ZNF518A: variants seen among roughly 807,000 people sequenced by gnomAD.
ZNF518A encodes zinc finger protein 518A, also known as zinc finger protein 518.
A neutral mutation model predicts 102.7 loss-of-function variants in ZNF518A; 47 were observed. The ratio of observed to expected loss-of-function variants is 0.46; its 90% CI spans 0.36 to 0.58. The LOEUF (loss-of-function observed/expected upper bound fraction) is 0.58, where lower values mean the gene tolerates loss of function less well. ZNF518A is among the 20% of genes least tolerant of loss of function. The pLI is 0.00. For missense variants in ZNF518A, 1,793 were observed against 1,699.8 expected (o/e 1.05, Z -0.96); for synonymous variants, 652 against 594.6 (o/e 1.10, Z -1.40).
At chr10:96,185,121 G>A (rs1333290943) in intron 1 of ZNF518A, among the ~76,000 whole-genome samples, 6 of 152,246 alleles carry the variant, frequency 3.9e-5, no homozygotes, top group East Asian at 1.9e-4. Context: ...CATGCATCAC[G>A]TAGTTCTCGT....
intron 3 of ZNF518A, among the ~76,000 whole-genome samples, chr10:96,149,194 G>C (rs587737118): frequency 6.6e-6 from 1 of 152,190 alleles, no homozygotes; most frequent in Non-Finnish European, 1.5e-5. Context: ...GTTTATTTTC[G>C]GTTTTGGTAC....
intron 1 of ZNF518A, among the ~76,000 whole-genome samples, chr10:96,193,148 T>A (rs2083370746): frequency 6.6e-6 from 1 of 152,230 alleles, no homozygotes; most frequent in African/African-American, 2.4e-5. Flanking sequence ...GACAGGGACT[T>A]TCAAATACCT....
chr10:96,144,412 A>T (rs1554877699), intron 3 of ZNF518A, among the ~76,000 whole-genome samples: 1 of 152,112 alleles, frequency 6.6e-6, no homozygotes, highest in African/African-American at 2.4e-5. Flanking sequence ...TAATTTTCCT[A>T]TTCTGGGCAT....
Position 96,175,865 on chromosome 10 carries a change from G to GCCTCCCTCCCTC in ZNF518A, n.35+19822_35+19833dup, listed in dbSNP as rs1181264871. ...GCTGAATTACAAGTATTCCCTCCCTGCCTCCCTCCCTCCCTTCCTTCCTTC... is the reference window on the plus strand; with the variant it reads ...GCTGAATTACAAGTATTCCCTCCCTGCCTCCCTCCCTCCCTCCCTCCCTCCCTTCCTTCCTTC... On this transcript the variant is annotated intron_variant and non_coding_transcript_variant, in intron 1 of 2. Transcript: ENST00000442635. 7.9e-3 allele frequency among the ~76,000 whole-genome samples: 397 copies of GCCTCCCTCCCTC among 50,066 alleles called. 28 individuals are homozygous for GCCTCCCTCCCTC. Among genetic ancestry groups the GCCTCCCTCCCTC allele is most frequent in the East Asian group, 0.065 (72 of 1,116 alleles). The allele number at this position is 50,066 out of a possible 152,430, so 32.8% of individuals were successfully genotyped here. A position where few individuals can be genotyped will look rare whatever the true frequency, so the allele number is the denominator to read the frequency against.
intron 3 of ZNF518A, among the ~76,000 whole-genome samples, chr10:96,152,318 A>G (rs587769617): frequency 3.2e-4 from 48 of 152,334 alleles, no homozygotes; most frequent in African/African-American, 1.0e-3. Flanking sequence ...CTCAAAATAA[A>G]TAAGTAAAAC....
At chr10:96,191,452 A>G (rs1554893419) in intron 1 of ZNF518A, among the ~76,000 whole-genome samples, 1 of 151,938 alleles carries the variant, frequency 6.6e-6, no homozygotes, top group African/African-American at 2.4e-5. Context: ...TATATATCCC[A>G]TGGTTGAGAG....
At position 96,142,567 on chromosome 10, in the gene ZNF518A, T is replaced by C. The variant is rs1423498316; in HGVS notation, c.-302+8919T>C. On this transcript the variant is annotated intron_variant, in intron 3 of 5. Transcript: ENST00000316045. ...TGCTGAGTCATGAATATAGCTAAGC[T>C]AAAACTAGAGTTTTTAGTTTTTTTT... Among the ~76,000 whole-genome samples the C allele has an allele frequency of 2.1e-5, 3 of 145,256 alleles. No individual in the cohort carries two copies. In the East Asian group the frequency reaches 6.9e-4, roughly 34 times the overall value.
Position 96,200,008 on chromosome 10 carries a change from C to T in ZNF518A, n.36-3566C>T, listed in dbSNP as rs2083588497. On this transcript the variant is annotated intron_variant and non_coding_transcript_variant, in intron 1 of 2. Coordinates refer to the ZNF518A transcript ENST00000442635. The surrounding 1 kb of genome is among the most constrained non-coding windows in gnomAD (Gnocchi z 4.3). ...GAGCCACTGCACTCCAGTGAAACTG[C>T]ATCATCTCAAAACAAATAAATAAAA... The T allele has an allele frequency of 4.0e-6, 4 of 991,956 alleles. No individual in the cohort carries two copies. Among genetic ancestry groups the T allele is most frequent in the Non-Finnish European group, 5.1e-6 (4 of 778,658 alleles). The allele number at this position is 991,956 out of a possible 1,614,324, so 61.4% of individuals were successfully genotyped here. A position where few individuals can be genotyped will look rare whatever the true frequency, so the allele number is the denominator to read the frequency against.
rs1302221783 is a variant in ZNF518A at position 96,157,242 on chromosome 10, C to A, written c.920C>A (p.Thr307Asn). ...AAATATGAAAAAAGAATGGCAAAGA[C>A]TTCTGCAGGACTTAAGCTAATACTG... ...KDKYEKRMAKTSAGLKLILKR... is the reference protein window; with the variant it reads ...KDKYEKRMAKNSAGLKLILKR... The change falls in exon 6 of 6, where the codon ACT becomes AAT. Residue 307 changes from threonine (T) to asparagine (N), a missense_variant. Coordinates refer to ENST00000316045, the MANE Select transcript of ZNF518A (RefSeq NM_001330736.2). 4 of 1,610,204 alleles carry A rather than the reference C, an allele frequency of 2.5e-6. No homozygotes were observed. The highest frequency in any genetic ancestry group is 3.4e-6 in the Non-Finnish European group (4 of 1,178,572).
rs1554871242 is a variant in ZNF518A at position 96,130,613 on chromosome 10, C to T, written c.-592C>T. 6.6e-6 allele frequency: 1 copy of T among 152,348 alleles called. No individual in the cohort carries two copies. The highest frequency in any genetic ancestry group is 2.4e-5 in the African/African-American group (1 of 41,458). The allele number at this position is 152,348 out of a possible 1,614,324, so 9.4% of individuals were successfully genotyped here. Reference sequence around the variant, plus strand: ...GAGACAGCAAGGGCGCCCCGCAGACCGCACCCCTCGAGCTATAGGTTCGCA... The same window carrying T: ...GAGACAGCAAGGGCGCCCCGCAGACTGCACCCCTCGAGCTATAGGTTCGCA... On this transcript the variant is annotated 5_prime_UTR_variant, in exon 1 of 6. Coordinates refer to ENST00000316045, the MANE Select transcript of ZNF518A (RefSeq NM_001330736.2).
In ZNF518A at chr10:96,157,009, T is replaced by C; in HGVS notation, c.687T>C (p.His229=). The C allele has an allele frequency of 1.2e-6, 2 of 1,613,824 alleles. No individual in the cohort carries two copies. Among genetic ancestry groups the C allele is most frequent in the Non-Finnish European group, 1.7e-6 (2 of 1,179,776 alleles). The stretch of plus-strand genomic sequence containing the variant: ...CATTTGTTCAGCACATTCATAGACA[T>C]AATGAAATTCATTATAAGTGTGGTA... ...VGTFVQHIHR[H]NEIHYKCGKC... Residue 229 remains histidine, a synonymous_variant, in exon 6 of 6, where the codon CAT becomes CAC. Coordinates refer to ENST00000316045, the MANE Select transcript of ZNF518A (RefSeq NM_001330736.2).
In ZNF518A at chr10:96,158,232, T is replaced by G; in HGVS notation, c.1910T>G (p.Leu637Ter). 6.2e-7 allele frequency: 1 copy of G among 1,613,744 alleles called. No individual in the cohort carries two copies. Among genetic ancestry groups the G allele is most frequent in the South Asian group, 1.1e-5 (1 of 91,072 alleles). The change falls in exon 6 of 6, where the codon TTA (leucine) becomes TGA (stop). Residue 637 changes from leucine to a stop codon, truncating the protein, a stop_gained. Coordinates refer to ENST00000316045, the MANE Select transcript of ZNF518A (RefSeq NM_001330736.2). LOFTEE classifies it high-confidence loss of function. ...LPVESSNQGS[L>*]PFHNYSKVNN... ...GTTGAATCCTCCAACCAAGGATCAT[T>G]ACCTTTTCATAATTACTCAAAAGTG...
Position 96,156,988 on chromosome 10 carries a change from T to A in ZNF518A, c.666T>A (p.Phe222Leu). 6.2e-7 allele frequency: 1 copy of A among 1,613,902 alleles called. No homozygotes were observed. Among genetic ancestry groups the A allele is most frequent in the Middle Eastern group, 1.6e-4 (1 of 6,062 alleles). Residue 222 changes from phenylalanine (F) to leucine (L), a missense_variant, in exon 6 of 6, where the codon TTT becomes TTA. Coordinates refer to ENST00000316045, the MANE Select transcript of ZNF518A (RefSeq NM_001330736.2). ...TCTCCACCCAGGATGTTGGCACATT[T>A]GTTCAGCACATTCATAGACATAATG... ...CKFSTQDVGT[F>L]VQHIHRHNEI...
In ZNF518A at chr10:96,160,099, A is replaced by C; in HGVS notation, c.3777A>C (p.Lys1259Asn). Residue 1259 changes from lysine to asparagine, a missense_variant, in exon 6 of 6, where the codon AAA becomes AAC. Lys to Asn is a moderately conservative substitution (Grantham distance 94). Around this residue, in one of 3 missense-constraint regions of ZNF518A, gnomAD observed 1,741 missense variants for 1,622.6 expected, o/e 1.07. Transcript: ENST00000316045. ...KTSKKIFSKT[K>N]THGSKDSETA... ...CCAAAAAAATTTTTTCAAAAACAAA[A>C]ACTCATGGAAGTAAAGACTCTGAAA... 1 of 1,610,040 alleles carries C rather than the reference A, an allele frequency of 6.2e-7. No individual in the cohort carries two copies. Among genetic ancestry groups the C allele is most frequent in the East Asian group, 2.2e-5 (1 of 44,858 alleles).
rs587664623 is a variant in ZNF518A, at chr10:96,193,116, T to A, written n.36-10458T>A. 3.3e-5 allele frequency among the ~76,000 whole-genome samples: 5 copies of A among 152,352 alleles called. No homozygotes were observed. The South Asian group carries it at 1.0e-3, about 32-fold the overall frequency. On this transcript the variant is annotated intron_variant and non_coding_transcript_variant, in intron 1 of 2. Coordinates refer to the ZNF518A transcript ENST00000442635. ...TTTAGATAATTGGCTAGCTGAATAT[T>A]CAGTCAGGGAGAGAGGTAAGAGACA...
chr10:96,201,080 C>T, intron 1 of ZNF518A: 8 of 1,597,836 alleles, frequency 5.0e-6, no homozygotes, highest in Non-Finnish European at 6.9e-6. Context: ...CAGAAAAGTC[C>T]TTCAATTAAT....
At chr10:96,133,954 A>G (rs976552994) in intron 3 of ZNF518A, among the ~76,000 whole-genome samples, 6 of 152,194 alleles carry the variant, frequency 3.9e-5, no homozygotes, top group Admixed American at 2.0e-4. Flanking sequence ...TTGACTTCCT[A>G]CCACGAGATT....
chr10:96,161,619 C>T lies in ZNF518A; in HGVS notation c.*845C>T, dbSNP rs990298568. ...ATGTTTGTCCTCCATAAACAAATGG[C>T]CATTTTTTTCTTCTTGGTTCCCATC... On this transcript the variant is annotated 3_prime_UTR_variant, in exon 6 of 6. Coordinates refer to ENST00000316045, the MANE Select transcript of ZNF518A (RefSeq NM_001330736.2). 1 of 166,802 alleles carries T rather than the reference C, an allele frequency of 6.0e-6. No individual in the cohort carries two copies. Among genetic ancestry groups the T allele is most frequent in the Admixed American group, 6.6e-5 (1 of 15,252 alleles). 10.3% of individuals were successfully genotyped at this position (166,802 alleles called of 1,614,324 possible).
intron 3 of ZNF518A, among the ~76,000 whole-genome samples, chr10:96,152,069 T>C (rs897416207): frequency 7.9e-5 from 12 of 152,228 alleles, no homozygotes; most frequent in Admixed American, 2.0e-4. Context: ...CTCAACACTT[T>C]GGGAGGCCAA....
Sources: allele counts gnomAD v4.1 joint callset (sites outside exome capture counted in the v4.1 genomes callset), GRCh38; gene constraint gnomAD v4.1.1; regional missense constraint gnomAD v4.1.1; non-coding constraint Gnocchi (gnomAD v3.1); transcripts MANE v1.5; gene names NCBI Gene and HGNC (gene_info 2026-07-23, HGNC 2026-07-21).